The following OPCML variants were observed in gnomAD, a reference collection of about 807,000 sequenced individuals.
OPCML encodes opioid-binding protein/cell adhesion molecule.
A neutral mutation model predicts 37.8 loss-of-function variants in OPCML; 13 were observed. That is an observed-to-expected ratio of 0.34 (90% CI 0.22 to 0.55). The LOEUF is 0.55. Ranked by LOEUF, OPCML falls within the 20% of genes least tolerant of loss-of-function variation. The pLI is 0.91. For synonymous variants in OPCML, 176 were observed against 168.8 expected (o/e 1.04, Z -0.33); for missense variants, 341 against 435.6 (o/e 0.78, Z 1.93).
chr11:133,095,828 C>T (rs1005543541), intron 1 of OPCML, among the ~76,000 whole-genome samples: 22 of 151,300 alleles, frequency 1.5e-4, no homozygotes, highest in African/African-American at 5.1e-4. Context: ...TTGAGAAAAT[C>T]GAAACAAAAC....
intron 1 of OPCML, among the ~76,000 whole-genome samples, chr11:133,278,227 T>C (rs867716052): frequency 7.6e-4 from 115 of 152,276 alleles, no homozygotes; most frequent in African/African-American, 2.6e-3. Flanking sequence ...CCATGAGTAC[T>C]GATTTCTGTC....
chr11:133,272,251 C>CT (rs1491235379), intron 1 of OPCML, among the ~76,000 whole-genome samples: 1 of 79,720 alleles, frequency 1.3e-5, no homozygotes, highest in African/African-American at 4.4e-5. Flanking sequence ...GATATTTGGA[C>CT]TAAAAAAAAA....
At chr11:133,156,368 G>A (rs1433641817) in intron 1 of OPCML, among the ~76,000 whole-genome samples, 3 of 152,162 alleles carry the variant, frequency 2.0e-5, no homozygotes, top group African/African-American at 4.8e-5. Context: ...CTCTTCCTCA[G>A]CCTAGGTGAC....
chr11:133,100,434 G>C (rs1319683031), intron 1 of OPCML, among the ~76,000 whole-genome samples: 2 of 152,132 alleles, frequency 1.3e-5, no homozygotes, highest in African/African-American at 4.8e-5. Flanking sequence ...AAGTTATTTT[G>C]CAAAGTTATT....
intron 1 of OPCML, among the ~76,000 whole-genome samples, chr11:133,468,213 C>G (rs1339215142): frequency 6.6e-6 from 1 of 152,232 alleles, no homozygotes; most frequent in Non-Finnish European, 1.5e-5. Context: ...GCTGCCACCT[C>G]TCCAGGGTCC....
At chr11:132,730,632 A>G (rs918185636) in intron 2 of OPCML, among the ~76,000 whole-genome samples, 1 of 152,262 alleles carries the variant, frequency 6.6e-6, no homozygotes, top group African/African-American at 2.4e-5. Context: ...AACCTGGACC[A>G]GGGGATGTTA....
chr11:132,519,397 A>G (rs1037577962), intron 4 of OPCML, among the ~76,000 whole-genome samples: 18 of 152,076 alleles, frequency 1.2e-4, no homozygotes, highest in Non-Finnish European at 2.5e-4. Flanking sequence ...CTGCTAGGAT[A>G]GATTGCTCTG....
intron 1 of OPCML, among the ~76,000 whole-genome samples, chr11:132,993,181 T>C (rs564899692): frequency 6.6e-6 from 1 of 152,178 alleles, no homozygotes; most frequent in Non-Finnish European, 1.5e-5. Flanking sequence ...AGGACGTGCA[T>C]GTCTATGTAC....
chr11:132,984,774 A>T (rs1287895004), intron 1 of OPCML, among the ~76,000 whole-genome samples: 1 of 152,200 alleles, frequency 6.6e-6, no homozygotes, highest in African/African-American at 2.4e-5. Context: ...GACACTATCT[A>T]TTTACAGTAA....
At chr11:133,520,310 G>C (rs1227259858) in intron 1 of OPCML, among the ~76,000 whole-genome samples, 1 of 152,044 alleles carries the variant, frequency 6.6e-6, no homozygotes. Context: ...GCTCAAGCTG[G>C]GTCTTTTTCT....
chr11:133,417,059 G>A (rs1424319484), intron 1 of OPCML, among the ~76,000 whole-genome samples: 1 of 152,208 alleles, frequency 6.6e-6, no homozygotes, highest in Admixed American at 6.5e-5. Flanking sequence ...CCCAGAGAGA[G>A]CAGGGAGGCT....
At chr11:132,457,716 C>A (rs1443559636) in intron 4 of OPCML, among the ~76,000 whole-genome samples, 1 of 152,214 alleles carries the variant, frequency 6.6e-6, no homozygotes, top group Admixed American at 6.5e-5. Context: ...GCCTGCCACC[C>A]AGATTCCCAA....
intron 4 of OPCML, among the ~76,000 whole-genome samples, chr11:132,476,347 C>G (rs1592231911): frequency 6.6e-6 from 1 of 151,930 alleles, no homozygotes; most frequent in South Asian, 2.1e-4. Flanking sequence ...TGGGTATATA[C>G]CCAAAGGACT....
intron 2 of OPCML, among the ~76,000 whole-genome samples, chr11:132,933,083 T>A (rs1234421629): frequency 6.6e-6 from 1 of 152,282 alleles, no homozygotes; most frequent in South Asian, 2.1e-4. Flanking sequence ...GGACATTCTA[T>A]GAACTGTTTC....
At chr11:132,820,902 A>T (rs1388734679) in intron 2 of OPCML, among the ~76,000 whole-genome samples, 1 of 152,184 alleles carries the variant, frequency 6.6e-6, no homozygotes, top group African/African-American at 2.4e-5. Flanking sequence ...TTATAGATAC[A>T]TAGCATGTAT....
At chr11:133,128,016 C>T (rs576072146) in intron 1 of OPCML, among the ~76,000 whole-genome samples, 28 of 152,230 alleles carry the variant, frequency 1.8e-4, no homozygotes, top group South Asian at 1.0e-3. Context: ...CAGTCCACAT[C>T]ACCACAGCAT....
At chr11:132,691,503 T>C (rs1211598775) in intron 2 of OPCML, among the ~76,000 whole-genome samples, 1 of 152,228 alleles carries the variant, frequency 6.6e-6, no homozygotes, top group African/African-American at 2.4e-5. Context: ...GCCTCTGCAG[T>C]GTCATAGGGC....
chr11:133,226,786 G>A (rs1940056853), intron 1 of OPCML, among the ~76,000 whole-genome samples: 1 of 152,072 alleles, frequency 6.6e-6, no homozygotes, highest in Non-Finnish European at 1.5e-5. Flanking sequence ...GGGAGAGGAG[G>A]AGGAGCTGGA....
rs149446942 is a variant in OPCML, at chr11:133,219,513, G to A, written c.62-276503C>T. 1.5e-3 allele frequency among the ~76,000 whole-genome samples: 228 copies of A among 152,284 alleles called. 1 individual carries two copies. The highest frequency in any genetic ancestry group is 3.4e-3 in the Middle Eastern group (1 of 294). ...TGGCTACCATTTAGCAATGCTTCTCGAATTTTAGCATGGATAAGAATCATC... is the reference window on the plus strand; with the variant it reads ...TGGCTACCATTTAGCAATGCTTCTCAAATTTTAGCATGGATAAGAATCATC... On this transcript the variant is annotated intron_variant, in intron 1 of 7. Transcript: ENST00000524381.
Sources: allele counts gnomAD v4.1 joint callset (sites outside exome capture counted in the v4.1 genomes callset), GRCh38; gene constraint gnomAD v4.1.1; transcripts MANE v1.5; gene names NCBI Gene and HGNC (gene_info 2026-07-23, HGNC 2026-07-21).